COL23A1: variants seen among roughly 807,000 people sequenced by gnomAD.
COL23A1 encodes the protein collagen type XXIII alpha 1 chain, also known as collagen alpha-1(XXIII) chain.
In COL23A1, 97 loss-of-function variants were observed where a neutral mutation model predicts 99.3. That is an observed-to-expected ratio of 0.98 (90% confidence interval 0.83 to 1.16). The LOEUF (loss-of-function observed/expected upper bound fraction) is 1.16. Among genes scored for constraint, COL23A1 ranks in the 50% most tolerant of loss-of-function variants. The pLI is 0.00. For missense variants in COL23A1, 762 were observed against 757.4 expected (o/e 1.01, Z -0.07); for synonymous variants, 320 against 308.2 (o/e 1.04, Z -0.40).
At chr5:178,456,241 A>T (rs2546629) in intron 2 of COL23A1, among the ~76,000 whole-genome samples, 1 of 152,062 alleles carries the variant, frequency 6.6e-6, no homozygotes, top group Non-Finnish European at 1.5e-5. Flanking sequence ...ATACTTCCCT[A>T]GGCTTCTATA....
intron 12 of COL23A1, 77 bp downstream of exon 12, chr5:178,259,643 AT>A: frequency 1.6e-6 from 1 of 635,826 alleles, no homozygotes. Flanking sequence ...CCCCATCCCC[AT>A]TCCGTCCCAG....
At chr5:178,413,124 A>G (rs1487808339) in intron 2 of COL23A1, among the ~76,000 whole-genome samples, 6 of 152,176 alleles carry the variant, frequency 3.9e-5, no homozygotes, top group Non-Finnish European at 8.8e-5. Flanking sequence ...TCAAAGTTAC[A>G]GAGAGCTATG....
intron 2 of COL23A1, among the ~76,000 whole-genome samples, chr5:178,319,187 G>A (rs71611423): frequency 0.08 from 12,131 of 152,160 alleles, 617 homozygotes; most frequent in Non-Finnish European, 0.11. Flanking sequence ...CTGTGCTAGC[G>A]CAAGTAAGCT....
intron 2 of COL23A1, among the ~76,000 whole-genome samples, chr5:178,547,547 A>C (rs1470731740): frequency 1.0e-4 from 8 of 78,254 alleles, no homozygotes; most frequent in Non-Finnish European, 1.4e-4. Flanking sequence ...ACACACCCAC[A>C]CACCCCCATA....
chr5:178,579,600 C>T (rs1763557674), intron 1 of COL23A1, among the ~76,000 whole-genome samples: 1 of 152,128 alleles, frequency 6.6e-6, no homozygotes, highest in African/African-American at 2.4e-5. Context: ...ATTACAGACA[C>T]CCACTACCGC....
At chr5:178,388,018 T>C (rs1763765934) in intron 2 of COL23A1, among the ~76,000 whole-genome samples, 1 of 152,136 alleles carries the variant, frequency 6.6e-6, no homozygotes, top group Admixed American at 6.6e-5. Context: ...CCGACACTGC[T>C]CCTCAGGGCA....
At chr5:178,417,722 C>T (rs72822887) in intron 2 of COL23A1, among the ~76,000 whole-genome samples, 8,457 of 152,222 alleles carry the variant, frequency 0.056, 352 homozygotes, top group Middle Eastern at 0.15. Flanking sequence ...CCTTGCTGCC[C>T]GCTTCATCCA....
At chr5:178,431,832 T>C (rs1766282534) in intron 2 of COL23A1, among the ~76,000 whole-genome samples, 1 of 152,250 alleles carries the variant, frequency 6.6e-6, no homozygotes. Context: ...AAGAAACTAA[T>C]ACAGCCACCT....
At chr5:178,474,786 A>T (rs1756942025) in intron 2 of COL23A1, among the ~76,000 whole-genome samples, 1 of 152,262 alleles carries the variant, frequency 6.6e-6, no homozygotes, top group Admixed American at 6.5e-5. Flanking sequence ...CACAGATTAT[A>T]AACCATAAAC....
Position 178,340,944 on chromosome 5 carries a change from C to T in COL23A1, c.362-34025G>A, listed in dbSNP as rs1760621372. Among the ~76,000 whole-genome samples, 1 of 152,240 alleles carries T rather than the reference C, an allele frequency of 6.6e-6. No individual in the cohort carries two copies. Among genetic ancestry groups the T allele is most frequent in the Non-Finnish European group, 1.5e-5 (1 of 68,034 alleles). Reference sequence around the variant, plus strand: ...GGCTGTCCTGCCAGGCAGAGATCAGCTGGTTTAGACCTCATACTGACCATA... The same window carrying T: ...GGCTGTCCTGCCAGGCAGAGATCAGTTGGTTTAGACCTCATACTGACCATA... On this transcript the variant is annotated intron_variant, in intron 2 of 28. Coordinates refer to ENST00000390654, the MANE Select transcript of COL23A1 (RefSeq NM_173465.4). This position sits in a 1 kb window ranked among gnomAD's most constrained non-coding sequence, Gnocchi z 4.7.
At position 178,415,298 on chromosome 5, in the gene COL23A1, G is replaced by A. The variant is rs186061926; in HGVS notation, c.362-108379C>T. 6.6e-5 allele frequency among the ~76,000 whole-genome samples: 10 copies of A among 152,330 alleles called. No homozygotes were observed. The highest frequency in any genetic ancestry group is 6.2e-4 in the South Asian group (3 of 4,826). On this transcript the variant is annotated intron_variant, in intron 2 of 28. Coordinates refer to ENST00000390654, the MANE Select transcript of COL23A1 (RefSeq NM_173465.4). The surrounding 1 kb of genome is among the most constrained non-coding windows in gnomAD (Gnocchi z 4.6). ...GAGCCCGCCTTGCTGGGTGAGTGAC[G>A]TGGGTCTGTGCCACAGTGGGAGTGC...
intron 2 of COL23A1, among the ~76,000 whole-genome samples, chr5:178,382,680 A>T (rs1763447733): frequency 6.6e-6 from 1 of 152,102 alleles, no homozygotes; most frequent in African/African-American, 2.4e-5. Context: ...GAGTTGGGAG[A>T]TGGGGCCTTA....
chr5:178,581,291 C>T (rs570787982), intron 1 of COL23A1, among the ~76,000 whole-genome samples: 15 of 152,086 alleles, frequency 9.9e-5, no homozygotes, highest in East Asian at 1.9e-4. Context: ...CGAGGCTGAG[C>T]GTGGTGGCTC....
intron 2 of COL23A1, among the ~76,000 whole-genome samples, chr5:178,481,073 G>A (rs1338964584): frequency 6.7e-6 from 1 of 148,396 alleles, no homozygotes; most frequent in East Asian, 2.0e-4. Context: ...GCTTGAACCC[G>A]GGAGGCGGAG....
intron 2 of COL23A1, among the ~76,000 whole-genome samples, chr5:178,311,103 A>C (rs1370837316): frequency 6.6e-6 from 1 of 152,054 alleles, no homozygotes; most frequent in Non-Finnish European, 1.5e-5. Flanking sequence ...CACGGCTCTG[A>C]GCTAGGGGCT....
At chr5:178,282,269 G>A (rs1245496882) in intron 5 of COL23A1, among the ~76,000 whole-genome samples, 3 of 152,170 alleles carry the variant, frequency 2.0e-5, no homozygotes, top group Non-Finnish European at 4.4e-5. Flanking sequence ...TGAAGAAATG[G>A]ACTTTTAAGT....
chr5:178,288,379 CAG>C (rs765704555), intron 4 of COL23A1, 29 bp from the exon 5 acceptor site: 28 of 1,604,136 alleles, frequency 1.7e-5, no homozygotes, highest in East Asian at 2.2e-5. Flanking sequence ...CATTAATAAT[CAG>C]AGTTTCGGCA....
chr5:178,518,543 C>T lies in COL23A1; in HGVS notation c.361+42139G>A, dbSNP rs866304605. ...GCAGAGGGGCTCCTCACTTCTCAGA[C>T]GGGGCGGCCGGGCAGAGACGCTCCT... On this transcript the variant is annotated intron_variant, in intron 2 of 28. Coordinates refer to ENST00000390654, the MANE Select transcript of COL23A1 (RefSeq NM_173465.4). 5.3e-4 allele frequency among the ~76,000 whole-genome samples: 54 copies of T among 102,302 alleles called. 1 individual carries two copies. The highest frequency in any genetic ancestry group is 5.3e-3 in the Middle Eastern group (1 of 188). 67.1% of individuals were successfully genotyped at this position (102,302 alleles called of 152,430 possible).
At chr5:178,389,405 A>C (rs528581078) in intron 2 of COL23A1, among the ~76,000 whole-genome samples, 5 of 152,312 alleles carry the variant, frequency 3.3e-5, no homozygotes, top group Middle Eastern at 3.4e-3. Flanking sequence ...ATTTAGTCAA[A>C]GTGATGCTTC....
Sources: gnomAD v4.1 joint callset for allele counts (sites outside exome capture counted in the v4.1 genomes callset) on GRCh38, gnomAD v4.1.1 for gene constraint, Gnocchi (gnomAD v3.1) non-coding constraint, MANE v1.5 for transcripts, NCBI Gene and HGNC (gene_info 2026-07-23, HGNC 2026-07-21) for gene names.